Variants in LPAR1 observed in about 807,000 individuals in gnomAD.
LPAR1 encodes the protein LPA receptor 1.
LPAR1 carries 5 observed loss-of-function variants against 23.8 expected under a neutral mutation model. The ratio of observed to expected loss-of-function variants is 0.21; its 90% CI spans 0.11 to 0.44. The LOEUF is 0.44. LPAR1 is among the 20% of genes least tolerant of loss of function. LPAR1 has a pLI of 0.99. For missense variants in LPAR1, 311 were observed against 482.8 expected, an observed-to-expected ratio of 0.64 and a Z score of 3.33; for synonymous variants, 160 against 164.7, an observed-to-expected ratio of 0.97 and a Z score of 0.22.
At chr9:111,025,458 A>T (rs1231171365) in intron 2 of LPAR1, among the ~76,000 whole-genome samples, 1 of 152,164 alleles carries the variant, frequency 6.6e-6, no homozygotes, top group African/African-American at 2.4e-5. Context: ...CCTTTGTCAG[A>T]TGAATAGATT....
At chr9:110,898,905 C>T (rs557304323) in intron 5 of LPAR1, among the ~76,000 whole-genome samples, 11 of 152,210 alleles carry the variant, frequency 7.2e-5, no homozygotes, top group Non-Finnish European at 1.3e-4. Context: ...TCACTGCATT[C>T]GTGCAAAGAA....
chr9:111,036,449 T>TTGCTG, intron 1 of LPAR1, among the ~76,000 whole-genome samples: 1 of 151,888 alleles, frequency 6.6e-6, no homozygotes, highest in Admixed American at 6.6e-5. Flanking sequence ...CTCTGTTGCT[T>TTGCTG]GTTTTCTTCC....
intron 5 of LPAR1, among the ~76,000 whole-genome samples, chr9:110,889,294 C>A (rs2083361328): frequency 6.6e-6 from 1 of 151,998 alleles, no homozygotes; most frequent in African/African-American, 2.4e-5. Context: ...GGAGGCGGAG[C>A]TTGCAGTGAG....
intron 5 of LPAR1, among the ~76,000 whole-genome samples, chr9:110,910,561 A>G (rs1451432279): frequency 2.0e-5 from 3 of 152,332 alleles, no homozygotes; most frequent in East Asian, 1.9e-4. Context: ...GTCTTATTTA[A>G]TAAGTATATT....
intron 5 of LPAR1, among the ~76,000 whole-genome samples, chr9:110,921,577 A>C (rs1223168703): frequency 6.6e-6 from 1 of 152,242 alleles, no homozygotes; most frequent in African/African-American, 2.4e-5. Flanking sequence ...TTAAAGAGTA[A>C]GTAGTAAACC....
intron 4 of LPAR1, among the ~76,000 whole-genome samples, chr9:110,969,757 A>G (rs561816166): frequency 6.6e-6 from 1 of 152,284 alleles, no homozygotes; most frequent in South Asian, 2.1e-4. Context: ...TAGTATTTCA[A>G]TCATGTCCAC....
At chr9:110,980,729 A>G (rs906701679) in intron 2 of LPAR1, among the ~76,000 whole-genome samples, 4 of 152,034 alleles carry the variant, frequency 2.6e-5, no homozygotes, top group African/African-American at 9.7e-5. Context: ...AGAGTGACTT[A>G]TAGCAAACAA....
chr9:110,958,356 G>T (rs1006505188), intron 4 of LPAR1, among the ~76,000 whole-genome samples: 5 of 152,112 alleles, frequency 3.3e-5, no homozygotes, highest in Non-Finnish European at 4.4e-5. Context: ...AACCAAAACA[G>T]CATGGTATTG....
chr9:111,001,412 A>T (rs2097126147), intron 2 of LPAR1, among the ~76,000 whole-genome samples: 1 of 152,216 alleles, frequency 6.6e-6, no homozygotes, highest in Non-Finnish European at 1.5e-5. Flanking sequence ...GTAATGTGAC[A>T]ATTGTTCCAG....
At chr9:111,012,782 G>A (rs1213228536) in intron 2 of LPAR1, among the ~76,000 whole-genome samples, 1 of 152,072 alleles carries the variant, frequency 6.6e-6, no homozygotes, top group Non-Finnish European at 1.5e-5. Flanking sequence ...CTGTTCAATT[G>A]AGAGAAATAT....
At chr9:111,006,862 C>A (rs753431125) in intron 2 of LPAR1, among the ~76,000 whole-genome samples, 7 of 152,004 alleles carry the variant, frequency 4.6e-5, no homozygotes, top group Admixed American at 2.6e-4. Flanking sequence ...TTGTCTCCAA[C>A]CAAATCTCAC....
In LPAR1 at chr9:110,973,117, C is replaced by T. The variant is rs139984141; in HGVS notation, c.-104+364G>A. On this transcript the variant is annotated intron_variant, in intron 3 of 5. Coordinates refer to ENST00000683809, the MANE Select transcript of LPAR1 (RefSeq NM_001351411.2). ...GAGATTTCACCCACACTATTCAGAA[C>T]GGTGTGCAATTTACAACTTGTGAAT... is the stretch of plus-strand genomic sequence containing the variant. 4.7e-3 allele frequency among the ~76,000 whole-genome samples: 717 copies of T among 152,170 alleles called. 5 individuals are homozygous for T. Among genetic ancestry groups the T allele is most frequent in the African/African-American group, 0.015 (629 of 41,518 alleles).
chr9:110,998,095 A>C (rs1028354630), intron 2 of LPAR1, among the ~76,000 whole-genome samples: 78 of 152,292 alleles, frequency 5.1e-4, no homozygotes, highest in African/African-American at 1.9e-3. Flanking sequence ...TTTATTAACA[A>C]ATCTCCAAGT....
intron 2 of LPAR1, among the ~76,000 whole-genome samples, chr9:111,015,975 A>C (rs1750315861): frequency 6.6e-6 from 1 of 151,782 alleles, no homozygotes; most frequent in African/African-American, 2.4e-5. Context: ...GCTATAATTC[A>C]CCTTGCTTGT....
intron 2 of LPAR1, among the ~76,000 whole-genome samples, chr9:111,021,921 G>A (rs1005043015): frequency 3.3e-5 from 4 of 119,774 alleles, no homozygotes; most frequent in Non-Finnish European, 6.3e-5. Context: ...CAGAGATCCC[G>A]CCACCGCACT....
At chr9:111,002,394 C>T (rs2097144193) in intron 2 of LPAR1, among the ~76,000 whole-genome samples, 1 of 152,206 alleles carries the variant, frequency 6.6e-6, no homozygotes. Flanking sequence ...AATCTGCACA[C>T]TTAACAGTAA....
intron 2 of LPAR1, among the ~76,000 whole-genome samples, chr9:111,009,998 A>AATATATATATATATATAT (rs55696642): frequency 4.1e-5 from 5 of 123,430 alleles, no homozygotes; most frequent in East Asian, 3.7e-4. Flanking sequence ...TAATTAGGAA[A>AATATATATATATATATAT]ATATATATAT....
At chr9:111,031,921 A>G (rs1351968978) in intron 2 of LPAR1, among the ~76,000 whole-genome samples, 4 of 152,214 alleles carry the variant, frequency 2.6e-5, no homozygotes, top group African/African-American at 9.7e-5. Context: ...CTAAAATGGA[A>G]GAATAACAAG....
chr9:110,966,825 G>A (rs2137802527), intron 4 of LPAR1, among the ~76,000 whole-genome samples: 1 of 152,180 alleles, frequency 6.6e-6, no homozygotes, highest in Non-Finnish European at 1.5e-5. Context: ...TTTAAGAGAA[G>A]CCAAACTGCT....
Sources: allele counts gnomAD v4.1 joint callset (sites outside exome capture counted in the v4.1 genomes callset), GRCh38; gene constraint gnomAD v4.1.1; transcripts MANE v1.5; gene names NCBI Gene and HGNC (gene_info 2026-07-23, HGNC 2026-07-21).